The following IFT56 variants were observed in gnomAD, a reference collection of about 807,000 sequenced individuals.
The protein encoded by IFT56 is intraflagellar transport protein 56.
chr7:139,190,659 G>A, the IFT56 span: 4 of 152,288 alleles, frequency 2.6e-5, no homozygotes, highest in Middle Eastern at 3.4e-3. Flanking sequence ...ATCTCCTAAT[G>A]GCTAGGCTCT....
chr7:139,189,239 T>G, the IFT56 span: 1 of 1,039,838 alleles, frequency 9.6e-7, no homozygotes, highest in South Asian at 1.6e-5. Flanking sequence ...ACATACAGTA[T>G]GAAGGACAGT....
At chr7:139,142,736 G>A in the IFT56 span, among the ~76,000 whole-genome samples, 1 of 152,134 alleles carries the variant, frequency 6.6e-6, no homozygotes, top group South Asian at 2.1e-4. Context: ...GGAGGCTGAG[G>A]GAGGAGAATC....
the IFT56 span, among the ~76,000 whole-genome samples, chr7:139,135,299 CAA>C: frequency 1.0e-5 from 1 of 99,208 alleles, no homozygotes; most frequent in African/African-American, 5.9e-5. Context: ...AAAAAAAAAA[CAA>C]AACAAAACTT....
At chr7:139,139,781 TA>T in the IFT56 span, 1 of 669,934 alleles carries the variant, frequency 1.5e-6, no homozygotes, top group Non-Finnish European at 2.6e-6. Flanking sequence ...TAGGATTCCC[TA>T]AATGTGAAGT....
chr7:139,144,781 C>A, the IFT56 span, among the ~76,000 whole-genome samples: 2 of 151,944 alleles, frequency 1.3e-5, no homozygotes, highest in Non-Finnish European at 2.9e-5. Flanking sequence ...TTAGAATTTA[C>A]ATTTTATTAC....
At chr7:139,163,949 A>G in the IFT56 span, among the ~76,000 whole-genome samples, 1 of 152,230 alleles carries the variant, frequency 6.6e-6, no homozygotes, top group Non-Finnish European at 1.5e-5. Flanking sequence ...ACAGTTTGCT[A>G]CATTCCAGAC....
the IFT56 span, chr7:139,173,088 A>G: frequency 6.9e-6 from 5 of 728,804 alleles, no homozygotes; most frequent in Admixed American, 3.7e-5. Flanking sequence ...TGGCTGGTTC[A>G]CTAATGGTTG....
At chr7:139,175,137 C>A in the IFT56 span, among the ~76,000 whole-genome samples, 2 of 152,024 alleles carry the variant, frequency 1.3e-5, no homozygotes, top group Admixed American at 6.5e-5. Context: ...AGTGAGATAC[C>A]ATCTCACTCC....
At chr7:139,189,287 T>G in the IFT56 span, 1 of 1,459,112 alleles carries the variant, frequency 6.9e-7, no homozygotes, top group Non-Finnish European at 9.5e-7. Flanking sequence ...CATTCTTCAT[T>G]GAAACACTTT....
At chr7:139,178,550 T>TTA in the IFT56 span, 1 of 1,614,196 alleles carries the variant, frequency 6.2e-7, no homozygotes. Flanking sequence ...TTAACTTTAA[T>TTA]TATGCCCAAG....
chr7:139,165,243 A>G, the IFT56 span: 1 of 1,600,772 alleles, frequency 6.2e-7, no homozygotes, highest in South Asian at 1.1e-5. Context: ...AGGTAAGAAA[A>G]ATTTGTCCTG....
the IFT56 span, among the ~76,000 whole-genome samples, chr7:139,175,474 G>A: frequency 6.6e-6 from 1 of 152,164 alleles, no homozygotes; most frequent in African/African-American, 2.4e-5. Context: ...AGCACTCTCA[G>A]CATCCATCAA....
the IFT56 span, among the ~76,000 whole-genome samples, chr7:139,165,863 C>G: frequency 1.3e-5 from 2 of 152,138 alleles, no homozygotes; most frequent in African/African-American, 4.8e-5. Context: ...TGGCAGAAAC[C>G]AACCAGGACA....
At chr7:139,134,816 C>T in the IFT56 span, 3 of 1,608,164 alleles carry the variant, frequency 1.9e-6, no homozygotes, top group African/African-American at 2.7e-5. Flanking sequence ...AACGTTGCTT[C>T]TTAGTGTATG....
chr7:139,146,962 T>G, the IFT56 span: 1 of 1,514,292 alleles, frequency 6.6e-7, no homozygotes, highest in South Asian at 1.2e-5. Context: ...CTCCAGAGGC[T>G]ATTTCCATTG....
At chr7:139,171,712 C>A in the IFT56 span, among the ~76,000 whole-genome samples, 2 of 152,196 alleles carry the variant, frequency 1.3e-5, no homozygotes, top group Non-Finnish European at 2.9e-5. Flanking sequence ...AGACTGAAAT[C>A]TAAGACCTTA....
At chr7:139,161,358 T>TTTGGA in the IFT56 span, 1 of 224,372 alleles carries the variant, frequency 4.5e-6, no homozygotes, top group East Asian at 1.0e-4. Flanking sequence ...ATGGCTGAGA[T>TTTGGA]TTGGAGTGTT....
the IFT56 span, among the ~76,000 whole-genome samples, chr7:139,175,624 T>C: frequency 6.6e-6 from 1 of 152,136 alleles, no homozygotes; most frequent in African/African-American, 2.4e-5. Flanking sequence ...GACATTATGT[T>C]AAGTGAAATA....
At chr7:139,139,089 G>A in the IFT56 span, among the ~76,000 whole-genome samples, 126 of 152,324 alleles carry the variant, frequency 8.3e-4, 7 homozygotes, top group South Asian at 0.025. Context: ...TGGGATTACA[G>A]GCGTGAGCCA....
Sources: allele counts gnomAD v4.1 joint callset (sites outside exome capture counted in the v4.1 genomes callset), GRCh38; gene constraint gnomAD v4.1.1; transcripts MANE v1.5; gene names NCBI Gene and HGNC (gene_info 2026-07-23, HGNC 2026-07-21).